Variants in IL1RN observed in about 807,000 individuals in gnomAD.
IL1RN encodes interleukin 1 receptor antagonist.
IL1RN carries 10 observed loss-of-function variants against 13.7 expected under a neutral mutation model. The ratio of observed to expected loss-of-function variants is 0.73; its 90% CI spans 0.45 to 1.24. IL1RN has a LOEUF of 1.24. Ranked by LOEUF, IL1RN falls within the 50% of genes most tolerant of loss-of-function variation. IL1RN has a pLI of 0.00. For synonymous variants in IL1RN, 102 were observed against 82.7 expected (o/e 1.23, Z -1.27); for missense variants, 213 against 222.1 (o/e 0.96, Z 0.26).
rs561698231 is a variant in IL1RN, at chr2:113,129,190, T to C, written c.117-386T>C. 1.1e-4 allele frequency among the ~76,000 whole-genome samples: 17 copies of C among 152,336 alleles called. No individual in the cohort carries two copies. In the South Asian group the frequency reaches 3.1e-3, roughly 28 times the overall value. On this transcript the variant is annotated intron_variant, in intron 1 of 3. Transcript: ENST00000409930. ...CACTATCCACATTTAAAGAGGTCAA[T>C]AGCCACATGTGGTTAGTGGCCACCC...
intron 1 of IL1RN, among the ~76,000 whole-genome samples, chr2:113,128,651 C>T (rs1262116986): frequency 1.3e-5 from 2 of 152,174 alleles, no homozygotes; most frequent in African/African-American, 2.4e-5. Context: ...AGGATAATCA[C>T]AAACAGGCCA....
chr2:113,100,932 C>A, the IL1RN span, among the ~76,000 whole-genome samples: 1 of 152,146 alleles, frequency 6.6e-6, no homozygotes, highest in Non-Finnish European at 1.5e-5. Context: ...AAGAGAAAAA[C>A]AAGCAGATGT....
chr2:113,106,102 C>T (rs1686382634), upstream of IL1RN, among the ~76,000 whole-genome samples: 1 of 152,174 alleles, frequency 6.6e-6, no homozygotes. Context: ...TAAGCATTTT[C>T]TGTATTTTTA....
Position 113,132,871 on chromosome 2 carries a change from G to A in IL1RN, c.534G>A (p.Ter178=), listed in dbSNP as rs4252024. Residue 178 remains the stop codon, a stop_retained_variant, in exon 4 of 4, where the codon TAG becomes TAA. Transcript: ENST00000409930. ...AATTCTACTTCCAGGAGGACGAGTA[G>A]TACTGCCCAGGCCTGCCTGTTCCCA... The part of the protein sequence containing the change: ...VTKFYFQEDE[*] 1 of 1,613,640 alleles carries A rather than the reference G, an allele frequency of 6.2e-7. No individual in the cohort carries two copies. Among genetic ancestry groups the A allele is most frequent in the African/African-American group, 1.3e-5 (1 of 74,926 alleles).
In IL1RN at chr2:113,121,399, G is replaced by T. The variant is rs532501327; in HGVS notation, c.73+1271G>T. ...ACTATAACAGGTAAGCAACACAGTT[G>T]TCCCCTTCCCCATGGTGTCTGTTCT... On this transcript the variant is annotated intron_variant, in intron 2 of 5. Coordinates refer to the IL1RN transcript ENST00000259206. 1.2e-5 allele frequency: 11 copies of T among 931,000 alleles called. No homozygotes were observed. In the South Asian group the frequency reaches 4.9e-4, roughly 42 times the overall value. The allele number at this position is 931,000 out of a possible 1,614,324, so 57.7% of individuals were successfully genotyped here.
rs550211750 is a variant in IL1RN at position 113,127,604 on chromosome 2, C to T, written c.-21C>T. 1 of 1,613,414 alleles carries T rather than the reference C, an allele frequency of 6.2e-7. No homozygotes were observed. The highest frequency in any genetic ancestry group is 1.3e-5 in the African/African-American group (1 of 75,066). On this transcript the variant is annotated 5_prime_UTR_variant, in exon 1 of 4. Coordinates refer to ENST00000409930, the MANE Select transcript of IL1RN (RefSeq NM_173842.3). ...ACTCTGGGCCCGCAATGGCAGTCCA[C>T]TGCCTTGCTGCAGTCACAGAATGGA... is the stretch of plus-strand genomic sequence containing the variant.
chr2:113,109,575 A>G (rs1021231933), upstream of IL1RN, among the ~76,000 whole-genome samples: 2 of 151,924 alleles, frequency 1.3e-5, no homozygotes, highest in East Asian at 1.9e-4. Context: ...AATATTAAAC[A>G]CAGAAAAGTT....
chr2:113,124,372 C>G (rs969049197), upstream of IL1RN, among the ~76,000 whole-genome samples: 8 of 152,168 alleles, frequency 5.3e-5, no homozygotes, highest in African/African-American at 1.9e-4. Context: ...TGGCCAGAAG[C>G]GTGAGGAAGA....
upstream of IL1RN, among the ~76,000 whole-genome samples, chr2:113,125,132 G>C (rs1686911750): frequency 6.6e-6 from 1 of 152,210 alleles, no homozygotes; most frequent in African/African-American, 2.4e-5. Flanking sequence ...CAATTCCGGA[G>C]GGTTGAAGAA....
chr2:113,114,820 A>G (rs1322366011), upstream of IL1RN, among the ~76,000 whole-genome samples: 4 of 152,196 alleles, frequency 2.6e-5, no homozygotes, highest in South Asian at 2.1e-4. Flanking sequence ...TGGGAGACAG[A>G]TATTACACGG....
At chr2:113,120,493 G>A (rs1293868679) in intron 2 of IL1RN, among the ~76,000 whole-genome samples, 3 of 152,152 alleles carry the variant, frequency 2.0e-5, no homozygotes, top group Non-Finnish European at 4.4e-5. Context: ...GCCACCAGAG[G>A]TACCAGTGCC....
upstream of IL1RN, among the ~76,000 whole-genome samples, chr2:113,113,843 G>A (rs949830792): frequency 4.6e-5 from 7 of 152,240 alleles, no homozygotes; most frequent in Non-Finnish European, 1.0e-4. Flanking sequence ...CCTCACACAT[G>A]CATTACTGAA....
chr2:113,120,684 GA>G (rs1686742349), intron 2 of IL1RN, among the ~76,000 whole-genome samples: 1 of 152,156 alleles, frequency 6.6e-6, no homozygotes, highest in Non-Finnish European at 1.5e-5. Context: ...TAAGGTTTTA[GA>G]ATCATTTCTT....
At chr2:113,108,182 C>T (rs1686415242), upstream of IL1RN, among the ~76,000 whole-genome samples, 1 of 151,864 alleles carries the variant, frequency 6.6e-6, no homozygotes, top group South Asian at 2.1e-4. Flanking sequence ...TAGCTAGTGG[C>T]TTCTTCCCAC....
chr2:113,116,824 C>T (rs995741930), upstream of IL1RN, among the ~76,000 whole-genome samples: 11 of 152,282 alleles, frequency 7.2e-5, no homozygotes, highest in Non-Finnish European at 1.5e-4. Flanking sequence ...ATTTACAGAG[C>T]ATTTTATGTA....
At chr2:113,118,223 CA>C (rs1292936341) in intron 1 of IL1RN, among the ~76,000 whole-genome samples, 1 of 152,220 alleles carries the variant, frequency 6.6e-6, no homozygotes, top group Admixed American at 6.5e-5. Flanking sequence ...CACTCTGAGG[CA>C]GGGGCTGCAA....
chr2:113,118,563 C>T (rs931744833), intron 1 of IL1RN, among the ~76,000 whole-genome samples: 2 of 152,004 alleles, frequency 1.3e-5, no homozygotes, highest in African/African-American at 2.4e-5. Context: ...CAGAAGAGTC[C>T]GATATTCTGA....
rs189825197 is a variant in IL1RN at position 113,111,505 on chromosome 2, C to T, written c.-388+306C>T. Reference sequence around the variant, plus strand: ...TAATGGCATGGATACTGTAGTACACCGCCTAGATTCACAACCCCACGACTA... The same window carrying T: ...TAATGGCATGGATACTGTAGTACACTGCCTAGATTCACAACCCCACGACTA... On this transcript the variant is annotated intron_variant, in intron 1 of 8. Transcript: ENST00000409052. Among the ~76,000 whole-genome samples, 304 of 152,226 alleles carry T rather than the reference C, an allele frequency of 2.0e-3. 5 individuals carry two copies. The highest frequency in any genetic ancestry group is 5.4e-4 in the Non-Finnish European group (37 of 68,016).
chr2:113,121,007 TC>T lies in IL1RN; in HGVS notation c.73+881del, dbSNP rs1686755154. On this transcript the variant is annotated intron_variant, in intron 2 of 5. Coordinates refer to the IL1RN transcript ENST00000259206. Reference sequence around the variant, plus strand: ...TTCCTCCCCCTTCTCCTCTTCTTCTTCCTCCTCCTTCTCCTCTTCTTCTTCT... The same window carrying T: ...TTCCTCCCCCTTCTCCTCTTCTTCTTCTCCTCCTTCTCCTCTTCTTCTTCT... 8.2e-5 allele frequency among the ~76,000 whole-genome samples: 12 copies of T among 147,138 alleles called. No homozygotes were observed. In the South Asian group the frequency reaches 2.6e-3, roughly 31 times the overall value.
Sources: gnomAD v4.1 joint callset for allele counts (sites outside exome capture counted in the v4.1 genomes callset) on GRCh38, gnomAD v4.1.1 for gene constraint, MANE v1.5 for transcripts, NCBI Gene and HGNC (gene_info 2026-07-23, HGNC 2026-07-21) for gene names.